The following CES5A variants were observed in gnomAD, a reference collection of about 807,000 sequenced individuals.
The protein encoded by CES5A is carboxylesterase 5A, also known as carboxylesterase 5.
Under a neutral mutation model 62.9 loss-of-function variants are expected in CES5A, and 67 were observed. The ratio of observed to expected loss-of-function variants is 1.07; its 90% CI spans 0.88 to 1.31. The LOEUF is 1.31. Among genes scored for constraint, CES5A ranks in the 50% most tolerant of loss-of-function variants. The pLI, the probability that CES5A is intolerant of heterozygous loss-of-function variation, is 0.00. For synonymous variants in CES5A, 296 were observed against 280.8 expected, an observed-to-expected ratio of 1.05 and a Z score of -0.54; for missense variants, 748 against 708.5, an observed-to-expected ratio of 1.06 and a Z score of -0.63.
chr16:55,937,086 G>A (rs2034384739), intron 2 of CES5A, among the ~76,000 whole-genome samples: 1 of 152,140 alleles, frequency 6.6e-6, no homozygotes, highest in African/African-American at 2.4e-5. Flanking sequence ...AAGCAGAGAG[G>A]GTAGTTCTCT....
chr16:55,853,081 C>T (rs1192940974), intron 9 of CES5A, 53 bp from the exon 10 acceptor site: 19 of 1,574,738 alleles, frequency 1.2e-5, no homozygotes, highest in South Asian at 5.6e-5. Flanking sequence ...ATGGCCAACA[C>T]GTTAAACACT....
At chr16:55,866,864 C>A (rs1328981647) in intron 4 of CES5A, among the ~76,000 whole-genome samples, 1 of 151,704 alleles carries the variant, frequency 6.6e-6, no homozygotes, top group Non-Finnish European at 1.5e-5. Context: ...AAAAAATAAA[C>A]AAACAAACAA....
intron 1 of CES5A, among the ~76,000 whole-genome samples, chr16:55,918,696 G>A (rs923504922): frequency 6.6e-6 from 1 of 152,254 alleles, no homozygotes; most frequent in East Asian, 1.9e-4. Flanking sequence ...GCAAATTGAT[G>A]GTAAGAAGGG....
intron 1 of CES5A, among the ~76,000 whole-genome samples, chr16:55,883,548 C>T (rs1189068934): frequency 1.3e-5 from 2 of 152,210 alleles, no homozygotes; most frequent in Admixed American, 6.5e-5. Flanking sequence ...GCTGGGATTA[C>T]AGGTGTGAGC....
In CES5A at chr16:55,864,632, C is replaced by T. The variant is rs186966316; in HGVS notation, c.706-1180G>A. On this transcript the variant is annotated intron_variant, in intron 5 of 12. Coordinates refer to ENST00000290567, the MANE Select transcript of CES5A (RefSeq NM_001143685.2). Reference sequence around the variant, plus strand: ...CTGTCAGGCCAGGCATAGTGGCTCACGCCTGTAATCCCAGCACTTTGGGAA... The same window carrying T: ...CTGTCAGGCCAGGCATAGTGGCTCATGCCTGTAATCCCAGCACTTTGGGAA... 1.0e-3 allele frequency among the ~76,000 whole-genome samples: 154 copies of T among 152,322 alleles called. 3 individuals carry two copies. Among genetic ancestry groups the T allele is most frequent in the African/African-American group, 3.5e-3 (145 of 41,560 alleles).
upstream of CES5A, among the ~76,000 whole-genome samples, chr16:55,929,306 G>T (rs149689520): frequency 4.1e-4 from 62 of 152,330 alleles, no homozygotes; most frequent in African/African-American, 1.4e-3. Context: ...TGGCTCGCAA[G>T]CCTGGCTGGC....
intron 1 of CES5A, among the ~76,000 whole-genome samples, chr16:55,909,741 C>G (rs1296899747): frequency 6.6e-6 from 1 of 152,190 alleles, no homozygotes; most frequent in Non-Finnish European, 1.5e-5. Context: ...AGCTCTATGT[C>G]CGCTGCACTG....
intron 2 of CES5A, among the ~76,000 whole-genome samples, chr16:55,941,041 C>A (rs2034440241): frequency 6.6e-6 from 1 of 151,942 alleles, no homozygotes; most frequent in Non-Finnish European, 1.5e-5. Flanking sequence ...CTACAGCTAA[C>A]ATTCTACTTA....
chr16:55,846,814 G>A lies in CES5A; in HGVS notation c.1450C>T (p.Leu484=), dbSNP rs1191918387. The A allele has an allele frequency of 6.2e-7, 1 of 1,614,150 alleles. No individual in the cohort carries two copies. Among genetic ancestry groups the A allele is most frequent in the East Asian group, 2.2e-5 (1 of 44,864 alleles). The part of the protein sequence containing the change: ...FEGATEEEKL[L]SRKMMKYWAT... ...CAGTATTTCATCATCTTCCGGCTCA[G>A]TAACTTCTCCTCCTCCGTGGCTCCT... Residue 484 remains leucine (L), a synonymous_variant, in exon 12 of 13, where the codon CTG becomes TTG. Transcript: ENST00000290567.
chr16:55,902,649 G>T (rs1254086688), intron 1 of CES5A, among the ~76,000 whole-genome samples: 2 of 152,218 alleles, frequency 1.3e-5, no homozygotes, highest in Non-Finnish European at 2.9e-5. Context: ...ATTTGCAGCT[G>T]TCAGAGTCCT....
intron 1 of CES5A, among the ~76,000 whole-genome samples, chr16:55,899,697 T>C (rs2033970752): frequency 6.6e-6 from 1 of 152,230 alleles, no homozygotes; most frequent in African/African-American, 2.4e-5. Context: ...TGGCAATGTC[T>C]GAAGATATTC....
intron 9 of CES5A, among the ~76,000 whole-genome samples, chr16:55,855,911 T>C (rs1201575946): frequency 2.0e-5 from 3 of 152,310 alleles, no homozygotes; most frequent in African/African-American, 7.2e-5. Flanking sequence ...GATTGGATCG[T>C]AGGGGCAGTT....
At chr16:55,874,068 A>C in intron 1 of CES5A, 31 bp from the exon 2 acceptor site, 1 of 1,564,178 alleles carries the variant, frequency 6.4e-7, no homozygotes, top group South Asian at 1.2e-5. Context: ...AATCAGGAGC[A>C]GGCTGGGGAC....
chr16:55,906,601 G>A (rs978860518), intron 1 of CES5A, among the ~76,000 whole-genome samples: 2 of 152,324 alleles, frequency 1.3e-5, no homozygotes, highest in East Asian at 3.9e-4. Flanking sequence ...TCCTTTGAGG[G>A]AAGCCACGGG....
intron 1 of CES5A, among the ~76,000 whole-genome samples, chr16:55,898,269 A>G (rs2033954357): frequency 6.6e-6 from 1 of 152,180 alleles, no homozygotes; most frequent in Non-Finnish European, 1.5e-5. Flanking sequence ...AATCACATGT[A>G]GATGCATCAA....
chr16:55,901,789 G>C (rs1163432214), intron 1 of CES5A, among the ~76,000 whole-genome samples: 2 of 152,274 alleles, frequency 1.3e-5, no homozygotes, highest in South Asian at 2.1e-4. Context: ...AAGGGCTCTT[G>C]CAAATGTTTT....
At chr16:55,893,155 C>T (rs1397252295) in intron 1 of CES5A, among the ~76,000 whole-genome samples, 2 of 152,130 alleles carry the variant, frequency 1.3e-5, no homozygotes, top group African/African-American at 4.8e-5. Flanking sequence ...TCACAATGCT[C>T]ATCTATCAAA....
chr16:55,908,958 C>T (rs1042467941), intron 1 of CES5A, among the ~76,000 whole-genome samples: 1 of 152,126 alleles, frequency 6.6e-6, no homozygotes, highest in African/African-American at 2.4e-5. Flanking sequence ...ACAAAAATTC[C>T]CCAAAAAGAA....
chr16:55,928,135 C>T (rs886251683), upstream of CES5A, among the ~76,000 whole-genome samples: 7 of 151,870 alleles, frequency 4.6e-5, no homozygotes, highest in African/African-American at 1.5e-4. Context: ...CCCAGCTACT[C>T]GGGAGGCTGA....
Sources: allele counts gnomAD v4.1 joint callset (sites outside exome capture counted in the v4.1 genomes callset), GRCh38; gene constraint gnomAD v4.1.1; transcripts MANE v1.5; gene names NCBI Gene and HGNC (gene_info 2026-07-23, HGNC 2026-07-21).